The following PPM1L variants were observed in gnomAD, a reference collection of about 807,000 sequenced individuals.
PPM1L encodes the protein protein phosphatase 1L.
In PPM1L, 13 loss-of-function variants were observed where a neutral mutation model predicts 31.4. The ratio of observed to expected loss-of-function variants is 0.41; its 90% CI spans 0.27 to 0.66. PPM1L has a LOEUF of 0.66. Among genes scored for constraint, PPM1L ranks in the 30% least tolerant of loss-of-function variants. The pLI, the probability that PPM1L is intolerant of heterozygous loss-of-function variation, is 0.29. For missense variants in PPM1L, 326 were observed against 453.7 expected (o/e 0.72, Z 2.56); for synonymous variants, 184 against 175.4 (o/e 1.05, Z -0.39).
chr3:160,917,830 A>G (rs1012001735), intron 1 of PPM1L, among the ~76,000 whole-genome samples: 2 of 152,204 alleles, frequency 1.3e-5, no homozygotes, highest in African/African-American at 4.8e-5. Context: ...TACACCAACA[A>G]TGTGATGGCC....
At chr3:160,863,951 G>T (rs116246630) in intron 1 of PPM1L, among the ~76,000 whole-genome samples, 1 of 152,108 alleles carries the variant, frequency 6.6e-6, no homozygotes, top group South Asian at 2.1e-4. Context: ...CATCTAGATG[G>T]ATATAGGTAG....
At chr3:160,781,962 TG>T (rs1374334071) in intron 1 of PPM1L, among the ~76,000 whole-genome samples, 1 of 152,224 alleles carries the variant, frequency 6.6e-6, no homozygotes, top group African/African-American at 2.4e-5. Flanking sequence ...GCCAGTGTTT[TG>T]TTCCTTAAGA....
intron 1 of PPM1L, among the ~76,000 whole-genome samples, chr3:160,919,569 A>G (rs1714315134): frequency 6.6e-6 from 1 of 152,162 alleles, no homozygotes; most frequent in Non-Finnish European, 1.5e-5. Flanking sequence ...ATTACTTGTT[A>G]TGTATACAAA....
At chr3:160,934,071 G>A (rs1714877726) in intron 1 of PPM1L, among the ~76,000 whole-genome samples, 1 of 152,230 alleles carries the variant, frequency 6.6e-6, no homozygotes, top group African/African-American at 2.4e-5. Context: ...CATTTTAGAT[G>A]TAAGTTGACA....
chr3:160,988,884 A>C (rs543398250), intron 2 of PPM1L, among the ~76,000 whole-genome samples: 4 of 152,248 alleles, frequency 2.6e-5, no homozygotes, highest in African/African-American at 9.6e-5. Flanking sequence ...TTCATAAACT[A>C]GTTCTGTGGT....
chr3:160,838,513 A>G (rs921282674), intron 1 of PPM1L, among the ~76,000 whole-genome samples: 1 of 152,192 alleles, frequency 6.6e-6, no homozygotes, highest in Non-Finnish European at 1.5e-5. Context: ...TTGTAGCTCA[A>G]ATCCTTCCAG....
At chr3:161,034,964 C>G (rs6799124) in intron 2 of PPM1L, among the ~76,000 whole-genome samples, 48,727 of 149,980 alleles carry the variant, frequency 0.32, 8,223 homozygotes, top group East Asian at 0.63. Flanking sequence ...AGCCATCATT[C>G]TCAGCAAACT....
intron 1 of PPM1L, among the ~76,000 whole-genome samples, chr3:160,807,681 G>T (rs1287090123): frequency 1.3e-5 from 2 of 152,078 alleles, no homozygotes; most frequent in Non-Finnish European, 2.9e-5. Context: ...CTGAGCTCAT[G>T]GTTAGTTTGG....
At chr3:160,928,326 C>G (rs1411697427) in intron 1 of PPM1L, among the ~76,000 whole-genome samples, 4 of 152,162 alleles carry the variant, frequency 2.6e-5, no homozygotes, top group Non-Finnish European at 2.9e-5. Context: ...CCCATCCTGA[C>G]CACAGGGCAT....
chr3:160,771,643 C>T (rs546561216), intron 1 of PPM1L, among the ~76,000 whole-genome samples: 7 of 136,932 alleles, frequency 5.1e-5, no homozygotes, highest in South Asian at 2.4e-4. Context: ...TTTAAAGATA[C>T]GAAGCAGAAT....
At chr3:160,995,139 A>G (rs976648229) in intron 2 of PPM1L, among the ~76,000 whole-genome samples, 6 of 152,330 alleles carry the variant, frequency 3.9e-5, no homozygotes, top group Non-Finnish European at 8.8e-5. Flanking sequence ...CAACAAGAGC[A>G]ACTATAATGG....
intron 2 of PPM1L, among the ~76,000 whole-genome samples, chr3:161,021,676 A>G (rs1718238643): frequency 1.3e-5 from 2 of 151,946 alleles, no homozygotes; most frequent in South Asian, 4.1e-4. Context: ...TAATTCTGTT[A>G]GTTTTTGCCT....
rs3063236 is a variant in PPM1L at position 160,920,586 on chromosome 3, TTCTCTCTCTCTCTCTC to T, written c.400-41135_400-41120del. ...CAGCAACTGCACTTATGCATTTAGT[TTCTCTCTCTCTCTCTC>T]TCTCTCTCTCTCTCACACACACACA... On this transcript the variant is annotated intron_variant, in intron 1 of 3. Coordinates refer to ENST00000498165, the MANE Select transcript of PPM1L (RefSeq NM_139245.4). 2.5e-4 allele frequency among the ~76,000 whole-genome samples: 30 copies of T among 120,376 alleles called. 1 individual carries two copies. The highest frequency in any genetic ancestry group is 9.9e-4 in the Admixed American group (11 of 11,130). 79.0% of individuals were successfully genotyped at this position (120,376 alleles called of 152,430 possible). A position where few individuals can be genotyped will look rare whatever the true frequency, so the allele number is the denominator to read the frequency against.
intron 1 of PPM1L, among the ~76,000 whole-genome samples, chr3:160,798,289 T>C (rs965106086): frequency 6.6e-6 from 1 of 152,208 alleles, no homozygotes; most frequent in African/African-American, 2.4e-5. Flanking sequence ...AGATTTTCAT[T>C]GTAGGCAAAA....
chr3:160,955,154 G>A (rs1385609310), intron 1 of PPM1L, among the ~76,000 whole-genome samples: 1 of 151,854 alleles, frequency 6.6e-6, no homozygotes, highest in Non-Finnish European at 1.5e-5. Flanking sequence ...GGGACTACAG[G>A]CATGCACCAC....
intron 1 of PPM1L, among the ~76,000 whole-genome samples, chr3:160,902,072 T>G (rs1713563323): frequency 6.6e-6 from 1 of 152,132 alleles, no homozygotes; most frequent in Non-Finnish European, 1.5e-5. Flanking sequence ...TTCTGAATCT[T>G]TAAAATAGAA....
chr3:160,884,021 G>T (rs1712823554), intron 1 of PPM1L, among the ~76,000 whole-genome samples: 1 of 151,932 alleles, frequency 6.6e-6, no homozygotes, highest in South Asian at 2.1e-4. Flanking sequence ...CACGAGCTGT[G>T]ATTGAGCCAC....
Position 160,815,180 on chromosome 3 carries a change from G to A in PPM1L, c.399+58473G>A, listed in dbSNP as rs532287045. Among the ~76,000 whole-genome samples the A allele has an allele frequency of 5.7e-4, 86 of 151,900 alleles. No individual in the cohort carries two copies. The South Asian group carries it at 9.4e-3, about 17-fold the overall frequency. ...TGAAATTAAAAAAGAGAGAGAGAGAGAAAAAAGTGAGGGACTTGAGACACA... is the reference window on the plus strand; with the variant it reads ...TGAAATTAAAAAAGAGAGAGAGAGAAAAAAAAGTGAGGGACTTGAGACACA... On this transcript the variant is annotated intron_variant, in intron 1 of 3. Transcript: ENST00000498165.
intron 1 of PPM1L, among the ~76,000 whole-genome samples, chr3:160,873,987 G>A (rs1712411231): frequency 6.6e-6 from 1 of 152,076 alleles, no homozygotes; most frequent in African/African-American, 2.4e-5. Flanking sequence ...AAATTGTAGA[G>A]GGCTATTAAT....
Sources: gnomAD v4.1 joint callset for allele counts (sites outside exome capture counted in the v4.1 genomes callset) on GRCh38, gnomAD v4.1.1 for gene constraint, MANE v1.5 for transcripts, NCBI Gene and HGNC (gene_info 2026-07-23, HGNC 2026-07-21) for gene names.